RPSA: variants seen among roughly 807,000 people sequenced by gnomAD.
RPSA encodes small ribosomal subunit protein uS2.
For missense variants in RPSA, 140 were observed against 372.8 expected (o/e 0.38, Z 5.14); for synonymous variants, 103 against 126.7 (o/e 0.81, Z 1.25).
At chr3:39,412,131 A>G (rs2042014586) in intron 6 of RPSA, 70 bp downstream of exon 6, 1 of 1,469,236 alleles carries the variant, frequency 6.8e-7, no homozygotes, top group Non-Finnish European at 9.5e-7. Context: ...AACTTTAATG[A>G]TCTCTGTGAC....
At chr3:39,412,211 G>T in intron 6 of RPSA, 63 bp from the exon 7 acceptor site, 2 of 1,398,552 alleles carry the variant, frequency 1.4e-6, no homozygotes, top group South Asian at 1.2e-5. Context: ...GTTGGGAGTG[G>T]GGTAAGGAAA....
intron 4 of RPSA, chr3:39,411,273 C>G: frequency 1.4e-6 from 1 of 692,870 alleles, no homozygotes; most frequent in Non-Finnish European, 2.7e-6. Flanking sequence ...GTTCTTCTGC[C>G]TTTGTCCATG....
intron 3 of RPSA, among the ~76,000 whole-genome samples, chr3:39,409,334 T>C (rs1191832111): frequency 6.6e-6 from 1 of 151,956 alleles, no homozygotes; most frequent in Non-Finnish European, 1.5e-5. Context: ...CCCGAGTAGC[T>C]GGAATTACAG....
chr3:39,407,920 C>A (rs2041942777), intron 2 of RPSA, 134 bp downstream of exon 2: 1 of 656,014 alleles, frequency 1.5e-6, no homozygotes, highest in Non-Finnish European at 2.6e-6. Context: ...TGAAAACATA[C>A]TTTAAATAAA....
intron 3 of RPSA, 136 bp downstream of exon 3, chr3:39,408,860 A>G (rs2041959733): frequency 2.9e-6 from 2 of 680,604 alleles, no homozygotes; most frequent in South Asian, 1.6e-5. Flanking sequence ...GCACTTTGGG[A>G]GGTGGAGTCC....
chr3:39,407,488 T>C (rs550479208), intron 1 of RPSA, 133 bp from the exon 2 acceptor site: 2 of 745,970 alleles, frequency 2.7e-6, no homozygotes, highest in Admixed American at 3.6e-5. Context: ...ATGGGTTAAC[T>C]TTCTGTTTAC....
chr3:39,407,411 T>A (rs1207455825), intron 1 of RPSA, among the ~76,000 whole-genome samples: 1 of 152,190 alleles, frequency 6.6e-6, no homozygotes, highest in Non-Finnish European at 1.5e-5. Context: ...GTTTTATTAC[T>A]CGGTTACTCT....
rs898988773 is a variant in RPSA at position 39,410,656 on chromosome 3, A to G, written c.253-98A>G. 6 of 1,308,310 alleles carry G rather than the reference A, an allele frequency of 4.6e-6. No individual in the cohort carries two copies. In the African/African-American group the frequency reaches 7.2e-5, roughly 16 times the overall value. The allele number at this position is 1,308,310 out of a possible 1,614,324, so 81.0% of individuals were successfully genotyped here. A position where few individuals can be genotyped will look rare whatever the true frequency, so the allele number is the denominator to read the frequency against. ...GGTATGTGCCTGCTTTACATGGAGT[A>G]GTAGTGATTAAGTTGGCCAGTGCCC... On this transcript the variant is annotated intron_variant, in intron 3 of 6. Transcript: ENST00000301821.
At chr3:39,408,003 G>A in intron 2 of RPSA, 1 of 523,012 alleles carries the variant, frequency 1.9e-6, no homozygotes, top group Non-Finnish European at 3.4e-6. Context: ...TACGGGACTT[G>A]GGTTGGGTCA....
chr3:39,412,237 A>G, intron 6 of RPSA, 37 bp from the exon 7 acceptor site: 4 of 1,510,800 alleles, frequency 2.6e-6, no homozygotes, highest in African/African-American at 2.7e-5. Context: ...TACATTGAGG[A>G]CAGAGCTGAT....
chr3:39,409,677 T>G (rs1259678747), intron 3 of RPSA, among the ~76,000 whole-genome samples: 4 of 152,206 alleles, frequency 2.6e-5, no homozygotes, highest in Non-Finnish European at 5.9e-5. Flanking sequence ...CAGAAATTTT[T>G]TAAGAATCTT....
In RPSA at chr3:39,412,260, T is replaced by G; in HGVS notation, c.794-14T>G. 2 of 1,599,590 alleles carry G rather than the reference T, an allele frequency of 1.3e-6. No homozygotes were observed. The highest frequency in any genetic ancestry group is 1.7e-6 in the Non-Finnish European group (2 of 1,167,008). On this transcript the variant is annotated splice_polypyrimidine_tract_variant and intron_variant, in intron 6 of 6. Transcript: ENST00000301821. ...GGACAGAGCTGATGGCTTTTTTTGG[T>G]ATTCTCTTAACAGAAGACTGGAGCG...
At position 39,408,744 on chromosome 3, in the gene RPSA, G is replaced by A; in HGVS notation, c.252+20G>A. 1.7e-6 allele frequency: 2 copies of A among 1,191,974 alleles called. No homozygotes were observed. Among genetic ancestry groups the A allele is most frequent in the Non-Finnish European group, 2.5e-6 (2 of 795,026 alleles). 73.8% of individuals were successfully genotyped at this position (1,191,974 alleles called of 1,614,324 possible). On this transcript the variant is annotated intron_variant, in intron 3 of 6. Coordinates refer to ENST00000301821, the MANE Select transcript of RPSA (RefSeq NM_002295.6). ...GGCCAGGTTTGTGGAACAGTGGTTAGTTTTTATATTATAGAAATAAAGCTT... is the reference window on the plus strand; with the variant it reads ...GGCCAGGTTTGTGGAACAGTGGTTAATTTTTATATTATAGAAATAAAGCTT...
Position 39,411,747 on chromosome 3 carries a change from T to C in RPSA, c.597T>C (p.Pro199=). 6.3e-7 allele frequency: 1 copy of C among 1,599,998 alleles called. No individual in the cohort carries two copies. The highest frequency in any genetic ancestry group is 1.1e-5 in the South Asian group (1 of 91,086). ...ISREHPWEVM[P]DLYFYRDPEE... is the part of the protein sequence containing the mutation. ...GTGAACACCCATGGGAGGTCATGCC[T>C]GATCTGTACTTCTACAGAGATCCTG... is the stretch of plus-strand genomic sequence containing the variant. The change falls in exon 5 of 7, where the codon CCT becomes CCC. Residue 199 remains proline (P), a synonymous_variant. Transcript: ENST00000301821.
chr3:39,412,405 A>G lies in RPSA; in HGVS notation c.*37A>G, dbSNP rs1465093148. The G allele has an allele frequency of 1.1e-5, 11 of 1,026,734 alleles. No individual in the cohort carries two copies. Among genetic ancestry groups the G allele is most frequent in the South Asian group, 6.9e-5 (5 of 72,522 alleles). The allele number at this position is 1,026,734 out of a possible 1,614,324, so 63.6% of individuals were successfully genotyped here. A position where few individuals can be genotyped will look rare whatever the true frequency, so the allele number is the denominator to read the frequency against. ...ATAGGCTCTTAAGCAGCATGGAAAA[A>G]TGGTTGATGGAAAATAAACATCAGT... On this transcript the variant is annotated 3_prime_UTR_variant, in exon 7 of 7. Transcript: ENST00000301821.
chr3:39,411,277 G>T, intron 4 of RPSA: 1 of 689,658 alleles, frequency 1.4e-6, no homozygotes, highest in South Asian at 1.4e-5. Context: ...TTCTGCCTTT[G>T]TCCATGTTTC....
At chr3:39,407,987 C>T in intron 2 of RPSA, 1 of 547,370 alleles carries the variant, frequency 1.8e-6, no homozygotes. Flanking sequence ...TGTCAGTTGT[C>T]TGAGTTACGG....
chr3:39,408,077 G>T, intron 2 of RPSA: 1 of 409,136 alleles, frequency 2.4e-6, no homozygotes, highest in East Asian at 5.6e-5. Flanking sequence ...AACTTCATAG[G>T]TACTTACACA....
chr3:39,407,525 C>T (rs2041937448), intron 1 of RPSA, 96 bp from the exon 2 acceptor site: 1 of 880,308 alleles, frequency 1.1e-6, no homozygotes, highest in Non-Finnish European at 1.9e-6. Context: ...AGCTCAATGC[C>T]TGACACTATA....
Sources: gnomAD v4.1 joint callset for allele counts (sites outside exome capture counted in the v4.1 genomes callset) on GRCh38, gnomAD v4.1.1 for gene constraint, MANE v1.5 for transcripts, NCBI Gene and HGNC (gene_info 2026-07-23, HGNC 2026-07-21) for gene names.